ABHD3: variants seen among roughly 807,000 people sequenced by gnomAD.
ABHD3 encodes the protein phospholipase ABHD3.
Under a neutral mutation model 48.8 loss-of-function variants are expected in ABHD3, and 46 were observed. The ratio of observed to expected loss-of-function variants is 0.94; its 90% CI spans 0.74 to 1.20. The LOEUF (loss-of-function observed/expected upper bound fraction) is 1.20, where lower values mean the gene tolerates loss of function less well. Ranked by LOEUF, ABHD3 falls within the 50% of genes most tolerant of loss-of-function variation. ABHD3 has a pLI of 0.00. For synonymous variants in ABHD3, 192 were observed against 183.7 expected, an observed-to-expected ratio of 1.04 and a Z score of -0.36; for missense variants, 490 against 497.8, an observed-to-expected ratio of 0.98 and a Z score of 0.15.
chr18:21,703,927 C>G (rs2040574839), intron 1 of ABHD3, 180 bp from the exon 2 acceptor site: 2 of 611,076 alleles, frequency 3.3e-6, no homozygotes, highest in Non-Finnish European at 5.6e-6. Context: ...CGCCAATGCC[C>G]CGAGGGGAAG....
Position 21,703,639 on chromosome 18 carries a change from C to T in ABHD3, c.271G>A (p.Gly91Arg). ...YPTVWCWEGR[G>R]QTLLRPFITS... The stretch of plus-strand genomic sequence containing the variant: ...ATGAAAGGTCTAAGCAGGGTCTGTC[C>T]TCGACCCTCCCAGCACCAGACCGTC... Residue 91 changes from glycine (G) to arginine (R), a missense_variant, in exon 2 of 9, where the codon GGA (glycine) becomes AGA (arginine). By Grantham distance (125) the Gly-to-Arg change is moderately radical. Transcript: ENST00000289119. The T allele has an allele frequency of 3.1e-6, 5 of 1,614,114 alleles. No homozygotes were observed. Among genetic ancestry groups the T allele is most frequent in the Non-Finnish European group, 4.2e-6 (5 of 1,180,018 alleles).
chr18:21,657,019 G>C lies in ABHD3; in HGVS notation c.899C>G (p.Ser300Cys), dbSNP rs376277901. 5.8e-5 allele frequency: 93 copies of C among 1,613,850 alleles called. No homozygotes were observed. The highest frequency in any genetic ancestry group is 5.9e-5 in the Non-Finnish European group (70 of 1,179,986). The change falls in exon 8 of 9, where the codon TCC becomes TGC. Residue 300 changes from serine to cysteine, a missense_variant. Physicochemically the swap from Ser to Cys is moderately radical, Grantham distance 112. Coordinates refer to ENST00000289119, the MANE Select transcript of ABHD3 (RefSeq NM_138340.5). ...VDMDHVMKAK[S>C]IREFDKRFTS... ...GAATCGCTTATCAAACTCTCTGATGGATTTAGCCTGAAACACAAAAACAAA... is the reference window on the plus strand; with the variant it reads ...GAATCGCTTATCAAACTCTCTGATGCATTTAGCCTGAAACACAAAAACAAA...
At chr18:21,667,816 C>T (rs2039668994) in intron 4 of ABHD3, among the ~76,000 whole-genome samples, 1 of 152,086 alleles carries the variant, frequency 6.6e-6, no homozygotes, top group Non-Finnish European at 1.5e-5. Context: ...ACTGACTATG[C>T]TCCGACACTT....
chr18:21,667,510 G>A (rs992629414), intron 4 of ABHD3, among the ~76,000 whole-genome samples: 13 of 152,040 alleles, frequency 8.6e-5, no homozygotes, highest in Admixed American at 4.6e-4. Context: ...CAAAGTGCTG[G>A]GATTACAGGC....
intron 6 of ABHD3, among the ~76,000 whole-genome samples, chr18:21,658,912 T>C (rs1367577852): frequency 1.3e-5 from 2 of 151,540 alleles, no homozygotes; most frequent in Non-Finnish European, 2.9e-5. Context: ...GATCTCGGCT[T>C]ACTGCAACCT....
At chr18:21,664,014 T>C (rs952748590) in intron 5 of ABHD3, 104 bp downstream of exon 5, 8 of 1,444,298 alleles carry the variant, frequency 5.5e-6, no homozygotes, top group Admixed American at 3.1e-5. Flanking sequence ...TAATCAGACA[T>C]TTATTTAAAA....
At chr18:21,687,136 T>A (rs376555388) in intron 3 of ABHD3, among the ~76,000 whole-genome samples, 425 of 152,166 alleles carry the variant, frequency 2.8e-3, no homozygotes, top group African/African-American at 9.7e-3. Flanking sequence ...CTTGAGCTTG[T>A]GAGCTCAAAA....
At chr18:21,679,374 A>G (rs923830117) in intron 4 of ABHD3, among the ~76,000 whole-genome samples, 18 of 152,212 alleles carry the variant, frequency 1.2e-4, no homozygotes, top group African/African-American at 3.9e-4. Context: ...GAATAACCAA[A>G]GGTAATTATG....
chr18:21,669,475 T>C (rs891657564), intron 4 of ABHD3, among the ~76,000 whole-genome samples: 1 of 152,116 alleles, frequency 6.6e-6, no homozygotes, highest in Non-Finnish European at 1.5e-5. Flanking sequence ...TTCTGGTCAA[T>C]ACCCAGTTCT....
chr18:21,700,574 T>A (rs2040484498), intron 3 of ABHD3, among the ~76,000 whole-genome samples: 1 of 151,362 alleles, frequency 6.6e-6, no homozygotes, highest in Admixed American at 6.6e-5. Flanking sequence ...AATTTTTGTA[T>A]TTTTTAGTAG....
intron 8 of ABHD3, 21 bp from the exon 9 acceptor site, chr18:21,651,784 G>A: frequency 4.7e-6 from 7 of 1,489,542 alleles, no homozygotes; most frequent in East Asian, 2.4e-5. Context: ...AAAAAAACAT[G>A]GCAATAAGAG....
intron 4 of ABHD3, among the ~76,000 whole-genome samples, chr18:21,672,053 T>TG (rs2039768725): frequency 6.6e-6 from 1 of 152,254 alleles, no homozygotes; most frequent in Admixed American, 6.5e-5. Context: ...GCATATATTT[T>TG]ATATTTACCT....
At chr18:21,674,202 T>C (rs2039822659) in intron 4 of ABHD3, among the ~76,000 whole-genome samples, 1 of 151,378 alleles carries the variant, frequency 6.6e-6, no homozygotes, top group Non-Finnish European at 1.5e-5. Flanking sequence ...TTTCTAAAAC[T>C]CTTCCATTAT....
At chr18:21,687,170 G>C (rs558531377) in intron 3 of ABHD3, among the ~76,000 whole-genome samples, 1 of 151,950 alleles carries the variant, frequency 6.6e-6, no homozygotes, top group Admixed American at 6.5e-5. Context: ...TTGGCCTCCT[G>C]AAGTTCTGGG....
At chr18:21,658,608 G>A (rs1266311773) in intron 6 of ABHD3, among the ~76,000 whole-genome samples, 1 of 152,106 alleles carries the variant, frequency 6.6e-6, no homozygotes, top group Non-Finnish European at 1.5e-5. Flanking sequence ...GGTTGTACAA[G>A]ACAATCCACT....
intron 4 of ABHD3, among the ~76,000 whole-genome samples, chr18:21,670,715 G>A (rs556441903): frequency 5.5e-4 from 84 of 152,188 alleles, no homozygotes; most frequent in African/African-American, 1.8e-3. Context: ...ATTGTGCATG[G>A]AATAAATGTC....
chr18:21,663,727 T>A, intron 5 of ABHD3: 1 of 1,535,550 alleles, frequency 6.5e-7, no homozygotes. Context: ...GAGCAATAAG[T>A]GATTATTTCT....
intron 3 of ABHD3, among the ~76,000 whole-genome samples, chr18:21,686,489 A>C (rs1469363115): frequency 1.3e-5 from 2 of 152,340 alleles, no homozygotes; most frequent in East Asian, 3.9e-4. Flanking sequence ...TGATCTGCAA[A>C]CTCATGAAAA....
chr18:21,684,311 C>CTTT (rs564516602), intron 3 of ABHD3, among the ~76,000 whole-genome samples: 988 of 82,850 alleles, frequency 0.012, 21 homozygotes, highest in Non-Finnish European at 0.015. Context: ...AATGTTTTTG[C>CTTT]TTTTTTTTTT....
Sources: gnomAD v4.1 joint callset for allele counts (sites outside exome capture counted in the v4.1 genomes callset) on GRCh38, gnomAD v4.1.1 for gene constraint, MANE v1.5 for transcripts, NCBI Gene and HGNC (gene_info 2026-07-23, HGNC 2026-07-21) for gene names.